The following URB2 variants were observed in gnomAD, a reference collection of about 807,000 sequenced individuals.
URB2 encodes the protein URB2 ribosome biogenesis homolog.
Under a neutral mutation model 120.9 loss-of-function variants are expected in URB2, and 86 were observed. The observed-to-expected ratio is 0.71, with a 90% CI of 0.60 to 0.85. The LOEUF (loss-of-function observed/expected upper bound fraction) is 0.85. Ranked by LOEUF, URB2 falls within the 40% of genes least tolerant of loss-of-function variation. The probability of loss-of-function intolerance (pLI) is 0.00; values close to 1 mark genes in which losing one functional copy is unlikely to be tolerated. For missense variants in URB2, 1,765 were observed against 1,836.5 expected, an observed-to-expected ratio of 0.96 and a Z score of 0.71; for synonymous variants, 755 against 758.4, an observed-to-expected ratio of 1.00 and a Z score of 0.07.
intron 8 of URB2, among the ~76,000 whole-genome samples, chr1:229,652,976 A>G (rs1250200336): frequency 6.6e-6 from 1 of 152,168 alleles, no homozygotes; most frequent in Non-Finnish European, 1.5e-5. Flanking sequence ...TAACTATTTT[A>G]TTATCTCTTT....
chr1:229,651,831 T>G (rs999664773), intron 8 of URB2, among the ~76,000 whole-genome samples: 2 of 152,240 alleles, frequency 1.3e-5, no homozygotes, highest in Non-Finnish European at 2.9e-5. Context: ...CAATTCATTT[T>G]TCAGCTTTGA....
chr1:229,637,346 A>G lies in URB2; in HGVS notation c.2733A>G (p.Pro911=), dbSNP rs1558165588. ...ISALQLDSLL[P]PYHVHYFLVL... ...CCTTACAGCTGGACAGCCTCTTGCC[A>G]CCCTATCATGTGCATTATTTTCTTG... Residue 911 remains proline, a synonymous_variant, in exon 4 of 10, where the codon CCA becomes CCG. Transcript: ENST00000258243. 2 of 1,613,980 alleles carry G rather than the reference A, an allele frequency of 1.2e-6. No individual in the cohort carries two copies. Among genetic ancestry groups the G allele is most frequent in the Non-Finnish European group, 1.7e-6 (2 of 1,180,026 alleles).
At position 229,635,736 on chromosome 1, in the gene URB2, A is replaced by G. The variant is rs775666293; in HGVS notation, c.1123A>G (p.Ile375Val). Residue 375 changes from isoleucine to valine, a missense_variant, in exon 4 of 10, where the codon ATC becomes GTC. Coordinates refer to ENST00000258243, the MANE Select transcript of URB2 (RefSeq NM_014777.4). ...NSVANNNIYN[I>V]AADRIRHEEA... ...AGTGGCCAACAACAATATCTACAAC[A>G]TCGCTGCCGACAGAATTCGGCACGA... is the stretch of plus-strand genomic sequence containing the variant. 3.7e-6 allele frequency: 6 copies of G among 1,614,096 alleles called. No homozygotes were observed. The East Asian group carries it at 8.9e-5, about 24-fold the overall frequency.
intron 9 of URB2, 46 bp downstream of exon 9, chr1:229,654,434 C>T: frequency 6.2e-7 from 1 of 1,607,634 alleles, no homozygotes. Context: ...TGTTTATGGT[C>T]CTTAAGCAGG....
At chr1:229,647,148 A>C (rs150981896) in intron 6 of URB2, among the ~76,000 whole-genome samples, 1 of 152,180 alleles carries the variant, frequency 6.6e-6, no homozygotes, top group Non-Finnish European at 1.5e-5. Flanking sequence ...AGGGGTCCGC[A>C]CAGCCAGAAT....
At chr1:229,639,615 C>G (rs1047403139) in intron 4 of URB2, among the ~76,000 whole-genome samples, 1 of 152,162 alleles carries the variant, frequency 6.6e-6, no homozygotes, top group African/African-American at 2.4e-5. Context: ...GGATTACAGG[C>G]GTGAGCCACC....
Position 229,643,671 on chromosome 1 carries a change from A to G in URB2, c.3773A>G (p.Asn1258Ser). 1 of 1,614,030 alleles carries G rather than the reference A, an allele frequency of 6.2e-7. No individual in the cohort carries two copies. Among genetic ancestry groups the G allele is most frequent in the Non-Finnish European group, 8.5e-7 (1 of 1,179,974 alleles). Residue 1258 changes from asparagine (N) to serine (S), a missense_variant, in exon 5 of 10, where the codon AAC becomes AGC. Transcript: ENST00000258243. The stretch of plus-strand genomic sequence containing the variant: ...ATTCTCCAGGGACTGGATGTCAGTA[A>G]CATGTGGAAAGCAGATGTGCAGGTG... ...QCILQGLDVS[N>S]MWKADVQAVV... is the part of the protein sequence containing the mutation.
chr1:229,645,231 G>A (rs1005615294), intron 5 of URB2, among the ~76,000 whole-genome samples: 18 of 151,298 alleles, frequency 1.2e-4, no homozygotes, highest in African/African-American at 4.4e-4. Context: ...GTTGCAGTGA[G>A]CAGAGATCAT....
rs373645510 is a variant in URB2 at position 229,635,377 on chromosome 1, A to G, written c.764A>G (p.Lys255Arg). 1.3e-5 allele frequency: 21 copies of G among 1,613,948 alleles called. No homozygotes were observed. Among genetic ancestry groups the G allele is most frequent in the Non-Finnish European group, 1.8e-5 (21 of 1,179,998 alleles). The change falls in exon 4 of 10, where the codon AAG becomes AGG. Residue 255 changes from lysine to arginine, a missense_variant. Lys to Arg is a conservative substitution (Grantham distance 26, BLOSUM62 2). Coordinates refer to ENST00000258243, the MANE Select transcript of URB2 (RefSeq NM_014777.4). ...IFQPELLSSYKEGLLDQQQGD... is the reference protein window; with the variant it reads ...IFQPELLSSYREGLLDQQQGD... ...CAGCCTGAGCTACTGTCATCCTACA[A>G]GGAGGGGCTCTTGGACCAGCAGCAA...
chr1:229,632,723 T>TTC (rs970888286), intron 3 of URB2, among the ~76,000 whole-genome samples: 2 of 152,216 alleles, frequency 1.3e-5, no homozygotes, highest in Non-Finnish European at 2.9e-5. Flanking sequence ...CAAATTATGC[T>TTC]TCTCTGATTT....
chr1:229,646,049 T>G (rs908812394), intron 6 of URB2, 80 bp downstream of exon 6: 12 of 1,323,202 alleles, frequency 9.1e-6, no homozygotes, highest in Non-Finnish European at 1.2e-5. Context: ...TTTTGGGGTC[T>G]GCTGCCCTGT....
rs756537924 is a variant in URB2, at chr1:229,652,564, T to C, written c.4237+1242T>C. Reference sequence around the variant, plus strand: ...GTGGCACAGTTAGATATTTCGCTTCTTCCTGTATCTGGTGCAGAGCACGTC... The same window carrying C: ...GTGGCACAGTTAGATATTTCGCTTCCTCCTGTATCTGGTGCAGAGCACGTC... On this transcript the variant is annotated intron_variant, in intron 8 of 9. Transcript: ENST00000258243. Among the ~76,000 whole-genome samples the C allele has an allele frequency of 6.9e-4, 105 of 152,270 alleles. 2 individuals carry two copies. Among genetic ancestry groups the C allele is most frequent in the Non-Finnish European group, 1.2e-3 (83 of 68,050 alleles).
chr1:229,654,415 C>G, intron 9 of URB2, 27 bp downstream of exon 9: 1 of 1,613,946 alleles, frequency 6.2e-7, no homozygotes, highest in Non-Finnish European at 8.5e-7. Flanking sequence ...TGTCTTTCAC[C>G]AAGTACTGTG....
Position 229,632,465 on chromosome 1 carries a change from T to C in URB2, c.303+20T>C. On this transcript the variant is annotated intron_variant, in intron 3 of 9. Coordinates refer to ENST00000258243, the MANE Select transcript of URB2 (RefSeq NM_014777.4). ...GTCAAGGTAATTCACTTTTCTGTTC[T>C]GTATGTGTTGCATGCATCTCCATTG... is the stretch of plus-strand genomic sequence containing the variant. 6.6e-7 allele frequency: 1 copy of C among 1,523,412 alleles called. No homozygotes were observed. Among genetic ancestry groups the C allele is most frequent in the Non-Finnish European group, 8.7e-7 (1 of 1,144,576 alleles). The allele number at this position is 1,523,412 out of a possible 1,614,324, so 94.4% of individuals were successfully genotyped here. A position where few individuals can be genotyped will look rare whatever the true frequency, so the allele number is the denominator to read the frequency against.
rs957202256 is a variant in URB2 at position 229,645,922 on chromosome 1, G to A, written c.3859G>A (p.Ala1287Thr). Residue 1287 changes from alanine (A) to threonine (T), a missense_variant, in exon 6 of 10, where the codon GCA becomes ACA. By Grantham distance (58) the Ala-to-Thr change is moderately conservative. Transcript: ENST00000258243. ...GAACTGCCCACTCAGTGGAGAGAAA[G>A]CAAGTCTGTTGTGGCGTGCGTGTCC... ...LLNCPLSGEK[A>T]SLLWRACPQI... 5.6e-6 allele frequency: 9 copies of A among 1,614,118 alleles called. No homozygotes were observed. Among genetic ancestry groups the A allele is most frequent in the Non-Finnish European group, 7.6e-6 (9 of 1,180,052 alleles).
chr1:229,653,152 CT>C (rs766609774), intron 8 of URB2, among the ~76,000 whole-genome samples: 7 of 152,250 alleles, frequency 4.6e-5, no homozygotes, highest in Non-Finnish European at 1.0e-4. Context: ...AGTATATTGT[CT>C]GTTGAAATGC....
At chr1:229,641,636 C>T (rs1338799570) in intron 4 of URB2, among the ~76,000 whole-genome samples, 1 of 152,102 alleles carries the variant, frequency 6.6e-6, no homozygotes, top group Non-Finnish European at 1.5e-5. Flanking sequence ...CTCCCTGTGT[C>T]CTTAAGGATG....
At chr1:229,627,980 A>G (rs1317192577) in intron 2 of URB2, among the ~76,000 whole-genome samples, 1 of 150,774 alleles carries the variant, frequency 6.6e-6, no homozygotes, top group Non-Finnish European at 1.5e-5. Flanking sequence ...GGTCGGGGAC[A>G]GTGGCTCATG....
chr1:229,648,502 T>C (rs1217894095), intron 7 of URB2, among the ~76,000 whole-genome samples: 1 of 152,234 alleles, frequency 6.6e-6, no homozygotes. Context: ...ATGCTCCTTT[T>C]TAAGTTAAAC....
Sources: gnomAD v4.1 joint callset for allele counts (sites outside exome capture counted in the v4.1 genomes callset) on GRCh38, gnomAD v4.1.1 for gene constraint, MANE v1.5 for transcripts, NCBI Gene and HGNC (gene_info 2026-07-23, HGNC 2026-07-21) for gene names.